TMEM74: variants seen among roughly 807,000 people sequenced by gnomAD.
TMEM74 encodes the protein transmembrane protein 74.
A neutral mutation model predicts 18.1 loss-of-function variants in TMEM74; 13 were observed. The observed-to-expected ratio is 0.72, with a 90% CI of 0.47 to 1.14. TMEM74 has a LOEUF of 1.14. Among genes scored for constraint, TMEM74 ranks in the 50% most tolerant of loss-of-function variants. The pLI is 0.00. For missense variants in TMEM74, 372 were observed against 375.9 expected (o/e 0.99, Z 0.09); for synonymous variants, 159 against 146.6 (o/e 1.08, Z -0.61).
At chr8:108,630,358 A>G (rs1194839451) in intron 2 of TMEM74, among the ~76,000 whole-genome samples, 1 of 152,044 alleles carries the variant, frequency 6.6e-6, no homozygotes, top group African/African-American at 2.4e-5. Context: ...AAAGAGACTT[A>G]GACTCCCACA....
intron 1 of TMEM74, among the ~76,000 whole-genome samples, chr8:108,764,373 T>C (rs77334298): frequency 0.053 from 8,045 of 152,124 alleles, 700 homozygotes; most frequent in African/African-American, 0.18. Context: ...CATTTGTCAA[T>C]GATTAAAAAT....
At chr8:108,683,475 C>T (rs6998389) in intron 1 of TMEM74, among the ~76,000 whole-genome samples, 2,129 of 151,584 alleles carry the variant, frequency 0.014, 55 homozygotes, top group African/African-American at 0.048. Context: ...ATGTAGCATT[C>T]GGAAATTTAT....
At position 108,724,571 on chromosome 8, in the gene TMEM74, T is replaced by C. The variant is rs190974838; in HGVS notation, n.119+62905A>G. 3.0e-3 allele frequency among the ~76,000 whole-genome samples: 455 copies of C among 152,272 alleles called. 5 individuals are homozygous for C. Among genetic ancestry groups the C allele is most frequent in the African/African-American group, 9.6e-3 (399 of 41,556 alleles). On this transcript the variant is annotated intron_variant and non_coding_transcript_variant, in intron 1 of 3. Coordinates refer to the TMEM74 transcript ENST00000518838. ...AAGAGATGATTAAATTTTTTCCTTC[T>C]TTCAGAAATAAAAAGTGATTCATTA...
chr8:108,612,718 G>GTTCA (rs1812345576), intron 2 of TMEM74, among the ~76,000 whole-genome samples: 1 of 152,146 alleles, frequency 6.6e-6, no homozygotes, highest in Non-Finnish European at 1.5e-5. Context: ...AGAGAAGGTG[G>GTTCA]TTCAGCTCTC....
intron 2 of TMEM74, among the ~76,000 whole-genome samples, chr8:108,612,147 T>A (rs540315426): frequency 2.1e-3 from 320 of 152,134 alleles, no homozygotes; most frequent in African/African-American, 6.8e-3. Context: ...GGAGCTACAA[T>A]TCAAGATGAG....
intron 2 of TMEM74, among the ~76,000 whole-genome samples, chr8:108,649,953 T>C (rs1394051013): frequency 2.0e-5 from 3 of 152,132 alleles, no homozygotes; most frequent in Non-Finnish European, 4.4e-5. Flanking sequence ...ATTAACAGTT[T>C]CCCTTCCCTA....
At chr8:108,637,895 G>A (rs540521569) in intron 2 of TMEM74, among the ~76,000 whole-genome samples, 11 of 152,074 alleles carry the variant, frequency 7.2e-5, no homozygotes, top group Admixed American at 3.9e-4. Flanking sequence ...CTATTTTACC[G>A]CTTGTATATT....
intron 2 of TMEM74, among the ~76,000 whole-genome samples, chr8:108,631,520 G>T (rs1326209073): frequency 6.6e-6 from 1 of 152,022 alleles, no homozygotes; most frequent in Admixed American, 6.6e-5. Context: ...ACTTGTATTT[G>T]GTTTGAGACT....
chr8:108,741,351 T>C (rs1023188083), intron 1 of TMEM74, among the ~76,000 whole-genome samples: 12 of 152,230 alleles, frequency 7.9e-5, no homozygotes, highest in African/African-American at 2.9e-4. Flanking sequence ...CACACACATG[T>C]CACAATTCTT....
chr8:108,640,807 A>G (rs896875646), intron 2 of TMEM74, among the ~76,000 whole-genome samples: 3 of 152,210 alleles, frequency 2.0e-5, no homozygotes, highest in African/African-American at 7.2e-5. Context: ...ATCAGGGCCA[A>G]GAAACACTTA....
intron 2 of TMEM74, chr8:108,652,920 G>A (rs1259433248): frequency 5.4e-6 from 2 of 372,554 alleles, no homozygotes; most frequent in Non-Finnish European, 1.1e-5. Flanking sequence ...TGTGTGAAGA[G>A]CGAAGATGAA....
intron 1 of TMEM74, among the ~76,000 whole-genome samples, chr8:108,736,638 A>G (rs1205020843): frequency 2.6e-5 from 4 of 151,894 alleles, no homozygotes; most frequent in African/African-American, 9.7e-5. Flanking sequence ...AGATCTAGGG[A>G]AGACGCTGTC....
chr8:108,680,584 G>A (rs1011266490), intron 1 of TMEM74, among the ~76,000 whole-genome samples: 3 of 152,150 alleles, frequency 2.0e-5, no homozygotes, highest in Non-Finnish European at 4.4e-5. Flanking sequence ...AAACCTGGAA[G>A]CATTCCCTTT....
At chr8:108,682,671 T>C (rs1447657018) in intron 1 of TMEM74, among the ~76,000 whole-genome samples, 4 of 152,054 alleles carry the variant, frequency 2.6e-5, no homozygotes, top group Non-Finnish European at 5.9e-5. Context: ...ACCTAGAGAT[T>C]ATGCAGTTTG....
chr8:108,661,526 T>C (rs1812899978), intron 1 of TMEM74, among the ~76,000 whole-genome samples: 1 of 152,096 alleles, frequency 6.6e-6, no homozygotes, highest in South Asian at 2.1e-4. Flanking sequence ...GGATCACTCT[T>C]ATCCCTTAGA....
intron 1 of TMEM74, among the ~76,000 whole-genome samples, chr8:108,764,583 G>A (rs1321137043): frequency 1.3e-5 from 2 of 152,134 alleles, no homozygotes; most frequent in African/African-American, 4.8e-5. Flanking sequence ...GTATGCACAA[G>A]TTGGTTTGAG....
At chr8:108,629,777 A>G (rs1318304031) in intron 2 of TMEM74, among the ~76,000 whole-genome samples, 1 of 152,032 alleles carries the variant, frequency 6.6e-6, no homozygotes, top group Non-Finnish European at 1.5e-5. Flanking sequence ...TCCAGACAAG[A>G]AAATGCTGAG....
chr8:108,733,533 G>T (rs187179781), intron 1 of TMEM74, among the ~76,000 whole-genome samples: 1 of 152,190 alleles, frequency 6.6e-6, no homozygotes, highest in East Asian at 1.9e-4. Context: ...ATTTTTAGGG[G>T]TGTTGGAAAT....
chr8:108,685,652 C>A (rs1169961416), intron 1 of TMEM74, among the ~76,000 whole-genome samples: 1 of 151,994 alleles, frequency 6.6e-6, no homozygotes, highest in African/African-American at 2.4e-5. Context: ...GAATGGGAGT[C>A]CTAACAAATG....
Sources: allele counts gnomAD v4.1 joint callset (sites outside exome capture counted in the v4.1 genomes callset), GRCh38; gene constraint gnomAD v4.1.1; transcripts MANE v1.5; gene names NCBI Gene and HGNC (gene_info 2026-07-23, HGNC 2026-07-21).